The following THAP6 variants were observed in gnomAD, a reference collection of about 807,000 sequenced individuals.
THAP6 encodes THAP domain containing 6, also known as THAP domain-containing protein 6.
THAP6 carries 13 observed loss-of-function variants against 20.0 expected under a neutral mutation model. The ratio of observed to expected loss-of-function variants is 0.65; its 90% confidence interval spans 0.42 to 1.03. THAP6 has a LOEUF of 1.03. THAP6 is among the 50% of genes least tolerant of loss of function. The pLI is 0.00. For missense variants in THAP6, 262 were observed against 261.6 expected, an observed-to-expected ratio of 1.00 and a Z score of -0.01; for synonymous variants, 93 against 92.2, an observed-to-expected ratio of 1.01 and a Z score of -0.05.
intron 2 of THAP6, among the ~76,000 whole-genome samples, chr4:75,537,507 A>T (rs1449349364): frequency 6.6e-6 from 1 of 152,012 alleles, no homozygotes; most frequent in Non-Finnish European, 1.5e-5. Flanking sequence ...TCCTCTTAAG[A>T]TGCGACTTTC....
downstream of THAP6, among the ~76,000 whole-genome samples, chr4:75,532,900 C>T (rs1242264540): frequency 6.6e-6 from 1 of 152,178 alleles, no homozygotes; most frequent in Non-Finnish European, 1.5e-5. Flanking sequence ...CCATACTTTC[C>T]TCCTAGGCCT....
At chr4:75,541,524 A>G (rs151010030) in intron 2 of THAP6, among the ~76,000 whole-genome samples, 1 of 152,198 alleles carries the variant, frequency 6.6e-6, no homozygotes, top group African/African-American at 2.4e-5. Context: ...TTACTTCTAG[A>G]GAGGGGGTTA....
At chr4:75,541,878 C>T (rs1435546865) in intron 2 of THAP6, among the ~76,000 whole-genome samples, 2 of 151,218 alleles carry the variant, frequency 1.3e-5, no homozygotes, top group Non-Finnish European at 2.9e-5. Context: ...ATCGCTTGAG[C>T]GCAGAGGGGC....
chr4:75,527,104 A>G lies in THAP6; in HGVS notation c.559A>G (p.Ile187Val), dbSNP rs1312980838. The G allele has an allele frequency of 1.2e-6, 2 of 1,614,046 alleles. No individual in the cohort carries two copies. The highest frequency in any genetic ancestry group is 1.7e-6 in the Non-Finnish European group (2 of 1,180,010). ...TTTTCAGAAATCATTGAGGAAGACA[A>G]TCAGGGAATTAAAGGATGAATGTCT... Reference protein sequence around the residue: ...KRFQKSLRKTIRELKDECLIS... With the variant: ...KRFQKSLRKTVRELKDECLIS... The change falls in exon 5 of 5, where the codon ATC (isoleucine) becomes GTC (valine). Residue 187 changes from isoleucine (I) to valine (V), a missense_variant. Transcript: ENST00000311638.
In THAP6 at chr4:75,527,489, A is replaced by T. The variant is rs577925410; in HGVS notation, c.*275A>T. On this transcript the variant is annotated 3_prime_UTR_variant, in exon 5 of 5. Coordinates refer to ENST00000311638, the MANE Select transcript of THAP6 (RefSeq NM_144721.6). ...TTAAAATCTCAAGAAAATTTCACAG[A>T]GCTAAAGAAATGATGTCAAATTAGT... 2 of 1,214,482 alleles carry T rather than the reference A, an allele frequency of 1.6e-6. No homozygotes were observed. The highest frequency in any genetic ancestry group is 2.5e-5 in the South Asian group (1 of 40,582). The allele number at this position is 1,214,482 out of a possible 1,614,324, so 75.2% of individuals were successfully genotyped here.
rs568715772 is a variant in THAP6, at chr4:75,516,074, G to A, written c.80+542G>A. 2.0e-4 allele frequency among the ~76,000 whole-genome samples: 30 copies of A among 152,300 alleles called. 1 individual carries two copies. In the South Asian group the frequency reaches 6.2e-3, roughly 32 times the overall value. The stretch of plus-strand genomic sequence containing the variant: ...TTTAATAGTTGTTCACTTGTTAAAG[G>A]TTTATTTTGCTGCTTTTGTGCCAGG... On this transcript the variant is annotated intron_variant, in intron 2 of 4. Transcript: ENST00000311638.
chr4:75,516,078 A>AT (rs1725599427), intron 2 of THAP6, among the ~76,000 whole-genome samples: 1 of 152,196 alleles, frequency 6.6e-6, no homozygotes, highest in Non-Finnish European at 1.5e-5. Context: ...TTAAAGGTTT[A>AT]TTTTGCTGCT....
At chr4:75,530,460 C>A (rs1298954126), downstream of THAP6, among the ~76,000 whole-genome samples, 1 of 152,118 alleles carries the variant, frequency 6.6e-6, no homozygotes, top group Non-Finnish European at 1.5e-5. Flanking sequence ...TTTATAGGCC[C>A]CTGAATTTCA....
intron 3 of THAP6, 51 bp downstream of exon 3, chr4:75,517,030 T>TG: frequency 8.3e-6 from 12 of 1,454,392 alleles, no homozygotes; most frequent in Non-Finnish European, 1.1e-5. Flanking sequence ...TTTTTTTTTT[T>TG]TTTTTTGAGA....
At chr4:75,533,633 C>A (rs1253697355), downstream of THAP6, among the ~76,000 whole-genome samples, 2 of 152,174 alleles carry the variant, frequency 1.3e-5, no homozygotes, top group East Asian at 3.9e-4. Context: ...ATTTACAGTT[C>A]CACATGGCTG....
chr4:75,539,083 A>T (rs1006807269), intron 2 of THAP6, among the ~76,000 whole-genome samples: 2 of 152,174 alleles, frequency 1.3e-5, no homozygotes, highest in African/African-American at 4.8e-5. Flanking sequence ...CTTCAAGGAG[A>T]TTACATGCTA....
At position 75,527,517 on chromosome 4, in the gene THAP6, C is replaced by G; in HGVS notation, c.*303C>G. 8.6e-7 allele frequency: 1 copy of G among 1,158,346 alleles called. No individual in the cohort carries two copies. The highest frequency in any genetic ancestry group is 1.1e-6 in the Non-Finnish European group (1 of 937,164). 71.8% of individuals were successfully genotyped at this position (1,158,346 alleles called of 1,614,324 possible). On this transcript the variant is annotated 3_prime_UTR_variant, in exon 5 of 5. Coordinates refer to ENST00000311638, the MANE Select transcript of THAP6 (RefSeq NM_144721.6). ...TAAAGAAATGATGTCAAATTAGTCA[C>G]ATTAAGCTATAGTAGAAGGAATTGG...
chr4:75,536,953 T>C (rs1173328664), intron 2 of THAP6, among the ~76,000 whole-genome samples: 2 of 152,172 alleles, frequency 1.3e-5, no homozygotes, highest in South Asian at 2.1e-4. Context: ...GAGCAAAGTA[T>C]ATAAACAGGG....
At chr4:75,520,924 G>A (rs1578264195) in intron 3 of THAP6, among the ~76,000 whole-genome samples, 1 of 152,176 alleles carries the variant, frequency 6.6e-6, no homozygotes, top group South Asian at 2.1e-4. Context: ...GTGTTTATTG[G>A]ATATTTGTAT....
In THAP6 at chr4:75,529,054, A is replaced by G. The variant is rs1485832350; in HGVS notation, c.*1840A>G. 3 of 931,460 alleles carry G rather than the reference A, an allele frequency of 3.2e-6. No individual in the cohort carries two copies. The highest frequency in any genetic ancestry group is 3.8e-6 in the Non-Finnish European group (3 of 780,964). 57.7% of individuals were successfully genotyped at this position (931,460 alleles called of 1,614,324 possible). On this transcript the variant is annotated 3_prime_UTR_variant, in exon 5 of 5. Transcript: ENST00000311638. ...AGCAACAGAGCAAGACTCCATCTCA[A>G]AAAAACAAAACTACTTTCATTAATT... is the stretch of plus-strand genomic sequence containing the variant.
At chr4:75,521,597 G>C in intron 3 of THAP6, 139 bp from the exon 4 acceptor site, 1 of 874,226 alleles carries the variant, frequency 1.1e-6, no homozygotes, top group Non-Finnish European at 1.7e-6. Context: ...TATCTGGGTG[G>C]AATTTGCTGA....
intron 2 of THAP6, chr4:75,539,994 C>T: frequency 1.3e-6 from 2 of 1,528,608 alleles, no homozygotes; most frequent in Non-Finnish European, 1.8e-6. Context: ...TCTTCCCTCT[C>T]TTGTGGCAGC....
chr4:75,529,954 T>C lies in THAP6; in HGVS notation c.*2740T>C. ...ATTTAGTTTTAATAAAAAGATAAAA[T>C]TATTACAGAAATAATTGAGAGAGAG... On this transcript the variant is annotated 3_prime_UTR_variant, in exon 5 of 5. Coordinates refer to ENST00000311638, the MANE Select transcript of THAP6 (RefSeq NM_144721.6). 1 of 878,266 alleles carries C rather than the reference T, an allele frequency of 1.1e-6. No homozygotes were observed. The highest frequency in any genetic ancestry group is 1.4e-6 in the Non-Finnish European group (1 of 732,330). The allele number at this position is 878,266 out of a possible 1,614,324, so 54.4% of individuals were successfully genotyped here.
rs759831803 is a variant in THAP6 at position 75,516,853 on chromosome 4, GC to G, written c.164del (p.Pro55LeufsTer26). ...LDVNAAGIWE[P>X]KKGDVLCSRH... is the part of the protein sequence containing the mutation. ...ATGTGAATGCAGCCGGCATTTGGGA[GC>G]CTAAAAAAGGAGATGTGTTGTGTTC... On this transcript the variant is annotated frameshift_variant, in exon 3 of 5. Coordinates refer to ENST00000311638, the MANE Select transcript of THAP6 (RefSeq NM_144721.6). LOFTEE classifies it high-confidence loss of function. The G allele has an allele frequency of 4.3e-6, 7 of 1,614,048 alleles. No individual in the cohort carries two copies. The East Asian group carries it at 1.6e-4, about 36-fold the overall frequency.
Sources: allele counts gnomAD v4.1 joint callset (sites outside exome capture counted in the v4.1 genomes callset), GRCh38; gene constraint gnomAD v4.1.1; transcripts MANE v1.5; gene names NCBI Gene and HGNC (gene_info 2026-07-23, HGNC 2026-07-21).